BMPR2: variants seen among roughly 807,000 people sequenced by gnomAD.
BMPR2 encodes the protein bone morphogenetic protein receptor type 2.
In BMPR2, 29 loss-of-function variants were observed where a neutral mutation model predicts 100.8. The ratio of observed to expected loss-of-function variants is 0.29; its 90% CI spans 0.21 to 0.39. The LOEUF is 0.39. Among genes scored for constraint, BMPR2 ranks in the 10% least tolerant of loss-of-function variants. The pLI is 1.00. For synonymous variants in BMPR2, 382 were observed against 442.3 expected, an observed-to-expected ratio of 0.86 and a Z score of 1.71; for missense variants, 1,011 against 1,274.5, an observed-to-expected ratio of 0.79 and a Z score of 3.15.
Position 202,542,349 on chromosome 2 carries a change from G to A in BMPR2, c.1315G>A (p.Glu439Lys), listed in dbSNP as rs765027366. Reference sequence around the variant, plus strand: ...AGAGTACCAGATGGCTTTTCAGACAGAGGTTGGAAACCATCCCACTTTTGA... The same window carrying A: ...AGAGTACCAGATGGCTTTTCAGACAAAGGTTGGAAACCATCCCACTTTTGA... ...VPEYQMAFQTEVGNHPTFEDM... is the reference protein window; with the variant it reads ...VPEYQMAFQTKVGNHPTFEDM... The change falls in exon 10 of 13, where the codon GAG becomes AAG. Residue 439 changes from glutamate to lysine, a missense_variant. Glu to Lys is a moderately conservative substitution (Grantham distance 56, BLOSUM62 1). Coordinates refer to ENST00000374580, the MANE Select transcript of BMPR2 (RefSeq NM_001204.7). 11 of 1,613,964 alleles carry A rather than the reference G, an allele frequency of 6.8e-6. No individual in the cohort carries two copies. In the East Asian group the frequency reaches 1.3e-4, roughly 20 times the overall value.
At chr2:202,502,598 TCAAA>T (rs1294240334) in intron 3 of BMPR2, among the ~76,000 whole-genome samples, 7 of 152,222 alleles carry the variant, frequency 4.6e-5, no homozygotes, top group Admixed American at 1.3e-4. Context: ...TATCTACCTC[TCAAA>T]CAGTTTGCAA....
At chr2:202,482,480 C>T (rs898389704) in intron 3 of BMPR2, among the ~76,000 whole-genome samples, 1 of 151,924 alleles carries the variant, frequency 6.6e-6, no homozygotes, top group Non-Finnish European at 1.5e-5. Flanking sequence ...CTCAAATGAT[C>T]CTCCTGCCTC....
At chr2:202,438,083 G>A (rs1216076318) in intron 1 of BMPR2, among the ~76,000 whole-genome samples, 1 of 150,214 alleles carries the variant, frequency 6.7e-6, no homozygotes, top group Admixed American at 6.6e-5. Flanking sequence ...GGAGGTGAAG[G>A]TGGGCGGATC....
At chr2:202,537,118 A>C (rs1688176207) in intron 9 of BMPR2, among the ~76,000 whole-genome samples, 1 of 151,784 alleles carries the variant, frequency 6.6e-6, no homozygotes, top group Non-Finnish European at 1.5e-5. Flanking sequence ...CTGGCCTCGA[A>C]CTCCTGGGCT....
In BMPR2 at chr2:202,562,793, G is replaced by T. The variant is rs1232125246; in HGVS notation, c.*2847G>T. On this transcript the variant is annotated 3_prime_UTR_variant, in exon 13 of 13. Coordinates refer to ENST00000374580, the MANE Select transcript of BMPR2 (RefSeq NM_001204.7). ...ATTTGAATTACGTTTAGACAAAAAT[G>T]ATTTAATTGTAAATTCTTAAAACTT... The T allele has an allele frequency of 6.6e-6, 1 of 151,558 alleles. No homozygotes were observed. Among genetic ancestry groups the T allele is most frequent in the African/African-American group, 2.4e-5 (1 of 41,248 alleles). The allele number at this position is 151,558 out of a possible 1,614,324, so 9.4% of individuals were successfully genotyped here.
intron 3 of BMPR2, among the ~76,000 whole-genome samples, chr2:202,510,774 G>A (rs12987526): frequency 0.12 from 18,063 of 151,886 alleles, 1,192 homozygotes; most frequent in Admixed American, 0.14. Flanking sequence ...TCTGCCTCCT[G>A]GGTTCAAGTG....
At chr2:202,552,325 A>G (rs918666510) in intron 10 of BMPR2, among the ~76,000 whole-genome samples, 2 of 152,190 alleles carry the variant, frequency 1.3e-5, no homozygotes, top group Non-Finnish European at 2.9e-5. Flanking sequence ...AGAAAAGCTC[A>G]CCTAGAGATA....
chr2:202,530,387 T>C (rs1348725483), intron 7 of BMPR2, among the ~76,000 whole-genome samples: 1 of 152,182 alleles, frequency 6.6e-6, no homozygotes, highest in Non-Finnish European at 1.5e-5. Flanking sequence ...GAGAGCAGTT[T>C]AAGATTTACG....
chr2:202,401,602 A>G (rs993742702), intron 1 of BMPR2, among the ~76,000 whole-genome samples: 16 of 152,234 alleles, frequency 1.1e-4, no homozygotes, highest in Non-Finnish European at 1.9e-4. Flanking sequence ...GTATAAGTCA[A>G]TGAGATGGTT....
At chr2:202,527,161 C>A (rs1159571420) in intron 7 of BMPR2, among the ~76,000 whole-genome samples, 1 of 151,958 alleles carries the variant, frequency 6.6e-6, no homozygotes, top group Non-Finnish European at 1.5e-5. Flanking sequence ...ACTGTGCCTG[C>A]CCAGAATTTA....
chr2:202,465,502 G>T (rs974931260), intron 2 of BMPR2, among the ~76,000 whole-genome samples: 30 of 152,098 alleles, frequency 2.0e-4, no homozygotes, highest in Admixed American at 1.3e-3. Context: ...CCCGTTCTAT[G>T]AATTTTGGAA....
At chr2:202,506,842 G>T (rs1687528293) in intron 3 of BMPR2, among the ~76,000 whole-genome samples, 1 of 152,158 alleles carries the variant, frequency 6.6e-6, no homozygotes, top group South Asian at 2.1e-4. Context: ...AGAGGTTGCA[G>T]TGAGCTGAGA....
rs532172360 is a variant in BMPR2, at chr2:202,564,786, G to T, written c.*4840G>T. ...AGTTAGGCTGGGCGCGGTGGCTCAC[G>T]CCTGTAATCCCAGCACTTTGGGAGG... On this transcript the variant is annotated 3_prime_UTR_variant, in exon 13 of 13. Transcript: ENST00000374580. The T allele has an allele frequency of 6.6e-6, 1 of 152,164 alleles. No homozygotes were observed. The highest frequency in any genetic ancestry group is 1.5e-5 in the Non-Finnish European group (1 of 68,080). The allele number at this position is 152,164 out of a possible 1,614,324, so 9.4% of individuals were successfully genotyped here. A position where few individuals can be genotyped will look rare whatever the true frequency, so the allele number is the denominator to read the frequency against.
At chr2:202,527,037 G>A (rs1348658762) in intron 7 of BMPR2, among the ~76,000 whole-genome samples, 1 of 151,880 alleles carries the variant, frequency 6.6e-6, no homozygotes, top group African/African-American at 2.4e-5. Flanking sequence ...CTAATTTTTT[G>A]TATTTTAGTA....
chr2:202,402,649 TGTG>T (rs1690789287), intron 1 of BMPR2, among the ~76,000 whole-genome samples: 1 of 93,466 alleles, frequency 1.1e-5, no homozygotes, highest in Non-Finnish European at 2.0e-5. Flanking sequence ...AAACTTGCAT[TGTG>T]TGTGTGTGTG....
At position 202,488,367 on chromosome 2, in the gene BMPR2, TA is replaced by T. The variant is rs573620659; in HGVS notation, c.418+20679del. Among the ~76,000 whole-genome samples, 301 of 152,314 alleles carry T rather than the reference TA, an allele frequency of 2.0e-3. 1 individual carries two copies. The highest frequency in any genetic ancestry group is 6.6e-3 in the African/African-American group (274 of 41,582). ...CAGGTGTTTATATGTATATTCTTAATATTTTAAAAATAAAACATCTTTTGAA... is the reference window on the plus strand; with the variant it reads ...CAGGTGTTTATATGTATATTCTTAATTTTTAAAAATAAAACATCTTTTGAA... On this transcript the variant is annotated intron_variant, in intron 3 of 12. Coordinates refer to ENST00000374580, the MANE Select transcript of BMPR2 (RefSeq NM_001204.7).
At chr2:202,515,018 G>A (rs1687688531) in intron 5 of BMPR2, 39 bp downstream of exon 5, 7 of 1,523,854 alleles carry the variant, frequency 4.6e-6, no homozygotes, top group Non-Finnish European at 6.4e-6. Context: ...TGTTTCTACT[G>A]TGATACTAGA....
intron 10 of BMPR2, 151 bp downstream of exon 10, chr2:202,542,598 T>C: frequency 9.4e-7 from 1 of 1,060,950 alleles, no homozygotes; most frequent in Non-Finnish European, 1.4e-6. Flanking sequence ...GTTTTCAAAT[T>C]TTTCAATATG....
intron 1 of BMPR2, among the ~76,000 whole-genome samples, chr2:202,424,444 TC>T (rs1691341529): frequency 6.7e-6 from 1 of 149,874 alleles, no homozygotes. Flanking sequence ...ACGCTTGTAA[TC>T]CCAGCACTTT....
Sources: allele counts gnomAD v4.1 joint callset (sites outside exome capture counted in the v4.1 genomes callset), GRCh38; gene constraint gnomAD v4.1.1; transcripts MANE v1.5; gene names NCBI Gene and HGNC (gene_info 2026-07-23, HGNC 2026-07-21).